Variants in RFC3 observed in about 807,000 individuals in gnomAD.
RFC3 encodes replication factor C subunit 3.
RFC3 carries 41 observed loss-of-function variants against 45.1 expected under a neutral mutation model. That is an observed-to-expected ratio of 0.91 (90% CI 0.71 to 1.18). RFC3 has a LOEUF of 1.18. RFC3 is among the 50% of genes most tolerant of loss of function. The pLI, the probability that RFC3 is intolerant of heterozygous loss-of-function variation, is 0.00. For synonymous variants in RFC3, 149 were observed against 144.0 expected, an observed-to-expected ratio of 1.03 and a Z score of -0.25; for missense variants, 423 against 428.1, an observed-to-expected ratio of 0.99 and a Z score of 0.10.
chr13:33,818,331 C>T (rs1327110676), intron 1 of RFC3, 66 bp downstream of exon 1: 28 of 1,354,512 alleles, frequency 2.1e-5, no homozygotes, highest in South Asian at 3.6e-5. Context: ...TCGCGCCCCC[C>T]TGAGGAGCAG....
chr13:33,975,955 T>C, the RFC3 span, among the ~76,000 whole-genome samples: 1 of 152,234 alleles, frequency 6.6e-6, no homozygotes, highest in South Asian at 2.1e-4. Context: ...AATTATTCTC[T>C]AATAAAATGA....
intron 8 of RFC3, among the ~76,000 whole-genome samples, chr13:33,896,263 A>G (rs1420376242): frequency 6.6e-6 from 1 of 151,916 alleles, no homozygotes; most frequent in Non-Finnish European, 1.5e-5. Context: ...TTAAACCAAA[A>G]CAAAAAGAAA....
intron 8 of RFC3, among the ~76,000 whole-genome samples, chr13:33,962,480 A>G (rs950316520): frequency 1.3e-5 from 2 of 152,172 alleles, no homozygotes; most frequent in African/African-American, 4.8e-5. Context: ...ACTGTCCTAC[A>G]CTTTCAGAAT....
chr13:33,955,712 T>A (rs966019072), intron 8 of RFC3, among the ~76,000 whole-genome samples: 8 of 152,164 alleles, frequency 5.3e-5, no homozygotes, highest in African/African-American at 1.9e-4. Flanking sequence ...TTAAAGTATA[T>A]TCTATGGCTA....
At position 33,819,276 on chromosome 13, in the gene RFC3, A is replaced by G. The variant is rs3135540; in HGVS notation, c.87+1011A>G. ...TAGTTGATAAAAGTGCCCAATGGCA[A>G]TATTTTGTGAGAACGAACTGAATCT... On this transcript the variant is annotated intron_variant, in intron 1 of 8. Transcript: ENST00000380071. Among the ~76,000 whole-genome samples the G allele has an allele frequency of 9.3e-3, 1,415 of 152,314 alleles. 21 individuals are homozygous for G. Among genetic ancestry groups the G allele is most frequent in the African/African-American group, 0.032 (1,349 of 41,572 alleles).
chr13:33,894,363 G>C (rs1438509796), intron 8 of RFC3, among the ~76,000 whole-genome samples: 1 of 152,180 alleles, frequency 6.6e-6, no homozygotes, highest in African/African-American at 2.4e-5. Flanking sequence ...GTTTCCAGTG[G>C]GAATGGAGGG....
At chr13:33,943,957 T>C (rs992675622) in intron 8 of RFC3, among the ~76,000 whole-genome samples, 1 of 152,150 alleles carries the variant, frequency 6.6e-6, no homozygotes, top group African/African-American at 2.4e-5. Context: ...GGTATGTCTT[T>C]TACAAAGCCC....
At chr13:33,891,455 CT>C (rs2082562724) in intron 8 of RFC3, among the ~76,000 whole-genome samples, 1 of 152,156 alleles carries the variant, frequency 6.6e-6, no homozygotes, top group South Asian at 2.1e-4. Context: ...TAAGAAAATA[CT>C]GGCAGAAACC....
intron 8 of RFC3, chr13:33,835,488 A>G: frequency 1.6e-6 from 1 of 620,340 alleles, no homozygotes; most frequent in Non-Finnish European, 3.1e-6. Context: ...TAAGTGCTGT[A>G]AAGGAAATAC....
chr13:33,918,818 G>A (rs1271736733), intron 8 of RFC3, among the ~76,000 whole-genome samples: 1 of 152,060 alleles, frequency 6.6e-6, no homozygotes, highest in African/African-American at 2.4e-5. Flanking sequence ...GCTCAGAATT[G>A]ATGTGGCCAT....
chr13:33,818,170 C>G lies in RFC3; in HGVS notation c.-9C>G. The G allele has an allele frequency of 1.9e-6, 3 of 1,610,676 alleles. No individual in the cohort carries two copies. Among genetic ancestry groups the G allele is most frequent in the South Asian group, 1.1e-5 (1 of 90,818 alleles). ...TTTCAAGCGTAGGCCCCCGGGAACT[C>G]GAGCTGCCATGAGCCTCTGGGTGGA... On this transcript the variant is annotated 5_prime_UTR_variant, in exon 1 of 9. Transcript: ENST00000380071.
At chr13:33,848,761 A>G (rs1395778721) in intron 8 of RFC3, 1 of 152,158 alleles carries the variant, frequency 6.6e-6, no homozygotes, top group Non-Finnish European at 1.5e-5. Context: ...TTAAACCAAA[A>G]GCATGGGTGT....
intron 8 of RFC3, among the ~76,000 whole-genome samples, chr13:33,959,360 A>C (rs962417759): frequency 2.0e-5 from 3 of 152,152 alleles, no homozygotes; most frequent in African/African-American, 7.2e-5. Context: ...ACACGTCAAC[A>C]CCTGTTATTC....
In RFC3 at chr13:33,836,433, A is replaced by G. The variant is rs1378514916; in HGVS notation, c.*138A>G. ...TTTGGTAATAACTTCTCTGTGAACT[A>G]TTAATCATCCTCTGAGTTAAATAAT... On this transcript the variant is annotated 3_prime_UTR_variant, in exon 9 of 9. Coordinates refer to ENST00000380071, the MANE Select transcript of RFC3 (RefSeq NM_002915.4). 2.0e-6 allele frequency: 3 copies of G among 1,464,062 alleles called. No individual in the cohort carries two copies. The highest frequency in any genetic ancestry group is 2.8e-5 in the African/African-American group (2 of 70,488). The allele number at this position is 1,464,062 out of a possible 1,614,324, so 90.7% of individuals were successfully genotyped here. A position where few individuals can be genotyped will look rare whatever the true frequency, so the allele number is the denominator to read the frequency against.
Position 33,821,267 on chromosome 13 carries a change from A to G in RFC3, c.223A>G (p.Thr75Ala), listed in dbSNP as rs774754651. 1.2e-5 allele frequency: 19 copies of G among 1,613,148 alleles called. No homozygotes were observed. The highest frequency in any genetic ancestry group is 8.5e-7 in the Non-Finnish European group (1 of 1,179,404). The change falls in exon 2 of 9, where the codon ACA becomes GCA. Residue 75 changes from threonine (T) to alanine (A), a missense_variant and splice_region_variant. By Grantham distance (58) the Thr-to-Ala change is moderately conservative (BLOSUM62 0). Coordinates refer to ENST00000380071, the MANE Select transcript of RFC3 (RefSeq NM_002915.4). ...ATTGAGAATTGAACATCAGACCATCACAGTAAGCATTTCACTTTGAGGCCC... is the reference window on the plus strand; with the variant it reads ...ATTGAGAATTGAACATCAGACCATCGCAGTAAGCATTTCACTTTGAGGCCC... ...EKLRIEHQTI[T>A]TPSKKKIEIS... is the part of the protein sequence containing the mutation.
At chr13:33,840,923 C>T (rs2082193639), downstream of RFC3, among the ~76,000 whole-genome samples, 1 of 152,098 alleles carries the variant, frequency 6.6e-6, no homozygotes, top group African/African-American at 2.4e-5. Context: ...ATACATGGTG[C>T]CATTCACAGC....
intron 8 of RFC3, among the ~76,000 whole-genome samples, chr13:33,844,584 C>G (rs1319993536): frequency 6.6e-6 from 1 of 152,062 alleles, no homozygotes; most frequent in African/African-American, 2.4e-5. Flanking sequence ...ATCAGGTTTG[C>G]AAATAATATA....
chr13:33,903,280 A>C (rs2082652615), intron 8 of RFC3, among the ~76,000 whole-genome samples: 2 of 152,122 alleles, frequency 1.3e-5, no homozygotes, highest in African/African-American at 4.8e-5. Context: ...AAATACTCCT[A>C]GATAGCAACA....
intron 8 of RFC3, among the ~76,000 whole-genome samples, chr13:33,865,570 A>G (rs1381082736): frequency 1.3e-5 from 2 of 152,262 alleles, no homozygotes; most frequent in Non-Finnish European, 2.9e-5. Flanking sequence ...AAGCATAATT[A>G]TAGACCAATG....
Sources: gnomAD v4.1 joint callset for allele counts (sites outside exome capture counted in the v4.1 genomes callset) on GRCh38, gnomAD v4.1.1 for gene constraint, MANE v1.5 for transcripts, NCBI Gene and HGNC (gene_info 2026-07-23, HGNC 2026-07-21) for gene names.